The following PTPRT variants were observed in gnomAD, a reference collection of about 807,000 sequenced individuals.
PTPRT encodes the protein receptor-type tyrosine-protein phosphatase T.
Under a neutral mutation model 176.8 loss-of-function variants are expected in PTPRT, and 56 were observed. The ratio of observed to expected loss-of-function variants is 0.32; its 90% CI spans 0.26 to 0.40. The LOEUF (loss-of-function observed/expected upper bound fraction) is 0.40, where lower values mean the gene tolerates loss of function less well. Ranked by LOEUF, PTPRT falls within the 10% of genes least tolerant of loss-of-function variation. The pLI, the probability that PTPRT is intolerant of heterozygous loss-of-function variation, is 1.00. For synonymous variants in PTPRT, 783 were observed against 739.0 expected, an observed-to-expected ratio of 1.06 and a Z score of -0.96; for missense variants, 1,540 against 1,908.2, an observed-to-expected ratio of 0.81 and a Z score of 3.60.
chr20:42,593,305 T>C (rs1441869357), intron 7 of PTPRT, among the ~76,000 whole-genome samples: 2 of 152,114 alleles, frequency 1.3e-5, no homozygotes, highest in Non-Finnish European at 2.9e-5. Flanking sequence ...GAAACTCTAC[T>C]CTGAAATATT....
intron 4 of PTPRT, among the ~76,000 whole-genome samples, chr20:42,777,495 A>G (rs2077155205): frequency 6.6e-6 from 1 of 152,182 alleles, no homozygotes; most frequent in South Asian, 2.1e-4. Flanking sequence ...CCCGTATCCC[A>G]GACACCGACA....
intron 7 of PTPRT, among the ~76,000 whole-genome samples, chr20:42,492,012 A>G (rs1457390298): frequency 2.0e-5 from 3 of 152,220 alleles, no homozygotes; most frequent in Admixed American, 1.3e-4. Context: ...TGTTACAGGT[A>G]CAATAGTTTG....
chr20:42,586,969 C>T (rs2073481586), intron 7 of PTPRT, among the ~76,000 whole-genome samples: 1 of 152,138 alleles, frequency 6.6e-6, no homozygotes, highest in Non-Finnish European at 1.5e-5. Context: ...CCTGAATGCC[C>T]TGATGGACCC....
intron 26 of PTPRT, among the ~76,000 whole-genome samples, chr20:42,099,542 T>TGGGTGGGGGGGGGGG (rs1325217305): frequency 1.1e-4 from 1 of 8,708 alleles, no homozygotes; most frequent in African/African-American, 8.8e-4. Context: ...GAAAATGGCC[T>TGGGTGGGGGGGGGGG]GGGCGGGGGG....
chr20:42,090,688 G>A (rs1049859748), intron 27 of PTPRT, among the ~76,000 whole-genome samples: 16 of 152,128 alleles, frequency 1.1e-4, no homozygotes, highest in African/African-American at 3.9e-4. Context: ...AAGCATCTGC[G>A]ATTTATACAA....
chr20:42,053,704 TAGA>T, the PTPRT span, among the ~76,000 whole-genome samples: 1 of 152,254 alleles, frequency 6.6e-6, no homozygotes, highest in African/African-American at 2.4e-5. Context: ...CACCTATTAG[TAGA>T]AGACCAGACT....
chr20:42,529,966 G>A lies in PTPRT; in HGVS notation c.1154-57404C>T, dbSNP rs112489260. ...TGGAAATTGATTTATTTAACTCATC[G>A]CCTTCTCCCACCATCTCCCTGCTTT... is the stretch of plus-strand genomic sequence containing the variant. On this transcript the variant is annotated intron_variant, in intron 7 of 30. Transcript: ENST00000373187. Among the ~76,000 whole-genome samples the A allele has an allele frequency of 2.9e-3, 443 of 151,730 alleles. 1 individual carries two copies. The highest frequency in any genetic ancestry group is 0.01 in the African/African-American group (428 of 41,322).
intron 2 of PTPRT, among the ~76,000 whole-genome samples, chr20:42,792,544 A>G (rs1421972081): frequency 1.3e-5 from 2 of 152,150 alleles, no homozygotes; most frequent in African/African-American, 4.8e-5. Context: ...AAATTTCACA[A>G]GCAACTGGGA....
At chr20:42,679,395 G>A (rs990060734) in intron 6 of PTPRT, among the ~76,000 whole-genome samples, 5 of 151,824 alleles carry the variant, frequency 3.3e-5, no homozygotes, top group Non-Finnish European at 5.9e-5. Context: ...ATGCCTTCCT[G>A]GACCAACTTG....
rs189598109 is a variant in PTPRT at position 42,762,096 on chromosome 20, G to A, written c.685-5460C>T. Among the ~76,000 whole-genome samples the A allele has an allele frequency of 2.1e-3, 316 of 152,306 alleles. 1 individual carries two copies. The highest frequency in any genetic ancestry group is 7.2e-3 in the African/African-American group (299 of 41,566). ...AGATGCCTAGCATTCTGGAAATCTT[G>A]GAAGACCTTAGGTCAGAAATATATA... is the stretch of plus-strand genomic sequence containing the variant. On this transcript the variant is annotated intron_variant, in intron 5 of 30. Coordinates refer to ENST00000373187, the MANE Select transcript of PTPRT (RefSeq NM_007050.6).
At chr20:42,268,586 A>G (rs184831372) in intron 13 of PTPRT, among the ~76,000 whole-genome samples, 1 of 152,324 alleles carries the variant, frequency 6.6e-6, no homozygotes, top group African/African-American at 2.4e-5. Flanking sequence ...TTCAGTAAAG[A>G]CCTACTATGT....
chr20:42,275,889 T>A (rs1218411987), intron 13 of PTPRT, among the ~76,000 whole-genome samples: 1 of 152,180 alleles, frequency 6.6e-6, no homozygotes, highest in South Asian at 2.1e-4. Context: ...ATGTATCTCA[T>A]GGGACTCAGC....
intron 5 of PTPRT, among the ~76,000 whole-genome samples, chr20:42,760,535 G>A (rs1277129847): frequency 6.6e-6 from 1 of 152,040 alleles, no homozygotes; most frequent in Non-Finnish European, 1.5e-5. Context: ...CCGTAGCTGA[G>A]CTTGATAAAC....
chr20:43,101,365 T>C (rs2012386278), intron 1 of PTPRT, among the ~76,000 whole-genome samples: 1 of 152,138 alleles, frequency 6.6e-6, no homozygotes, highest in Non-Finnish European at 1.5e-5. Context: ...GGCAGGAACA[T>C]GGACTGGAGT....
chr20:42,175,492 G>A (rs1990252775), intron 16 of PTPRT, among the ~76,000 whole-genome samples: 1 of 152,156 alleles, frequency 6.6e-6, no homozygotes, highest in South Asian at 2.1e-4. Flanking sequence ...CCCATCTGTG[G>A]TATGAATGAA....
intron 9 of PTPRT, among the ~76,000 whole-genome samples, chr20:42,383,524 A>G (rs931687972): frequency 7.2e-5 from 11 of 152,202 alleles, no homozygotes; most frequent in Non-Finnish European, 1.5e-4. Context: ...AGAATGGCCA[A>G]CTAGTTGAAT....
chr20:42,831,748 A>G (rs2078092758), intron 2 of PTPRT, among the ~76,000 whole-genome samples: 1 of 152,244 alleles, frequency 6.6e-6, no homozygotes, highest in Admixed American at 6.5e-5. Flanking sequence ...GAAGACATAC[A>G]TGCATCCAAC....
chr20:42,342,457 T>A (rs555026745), intron 11 of PTPRT, among the ~76,000 whole-genome samples: 2 of 152,128 alleles, frequency 1.3e-5, no homozygotes, highest in Non-Finnish European at 2.9e-5. Context: ...GTGGGACCCA[T>A]AGCATTCCTC....
intron 7 of PTPRT, among the ~76,000 whole-genome samples, chr20:42,556,791 T>C (rs2072868965): frequency 6.6e-6 from 1 of 152,174 alleles, no homozygotes; most frequent in Non-Finnish European, 1.5e-5. Context: ...AGAAGTTCAA[T>C]GAACATTATT....
Sources: allele counts gnomAD v4.1 joint callset (sites outside exome capture counted in the v4.1 genomes callset), GRCh38; gene constraint gnomAD v4.1.1; transcripts MANE v1.5; gene names NCBI Gene and HGNC (gene_info 2026-07-23, HGNC 2026-07-21).